The following NEXMIF variants were observed in gnomAD, a reference collection of about 807,000 sequenced individuals.
The protein encoded by NEXMIF is XLMR protein related to neurite extension.
In NEXMIF, 8 loss-of-function variants were observed where a neutral mutation model predicts 62.1. The ratio of observed to expected loss-of-function variants is 0.13; its 90% CI spans 0.08 to 0.23. NEXMIF has a LOEUF of 0.23. NEXMIF is among the 10% of genes least tolerant of loss of function. The pLI is 1.00. For missense variants in NEXMIF, 976 were observed against 1,113.3 expected (o/e 0.88, Z 1.75); for synonymous variants, 404 against 416.6 (o/e 0.97, Z 0.37).
chrX:74,923,427 T>C (rs1447900239), intron 1 of NEXMIF, among the ~76,000 whole-genome samples: 1 of 112,536 alleles, frequency 8.9e-6, no homozygotes, highest in Non-Finnish European at 1.9e-5. Flanking sequence ...GCCAGTTTTA[T>C]TTGATTAGCC....
intron 1 of NEXMIF, among the ~76,000 whole-genome samples, chrX:74,747,658 T>C (rs2147443503): frequency 9.1e-6 from 1 of 110,367 alleles, no homozygotes; most frequent in South Asian, 3.9e-4. Context: ...TTTTTTTTTT[T>C]GAGACAGAGT....
chrX:74,854,948 C>A (rs2080529503), intron 1 of NEXMIF, among the ~76,000 whole-genome samples: 1 of 111,966 alleles, frequency 8.9e-6, no homozygotes. Context: ...ACATCCCATA[C>A]TCATGGATCA....
intron 1 of NEXMIF, among the ~76,000 whole-genome samples, chrX:74,784,854 C>CA (rs780231393): frequency 1.2e-4 from 13 of 110,712 alleles, no homozygotes; most frequent in African/African-American, 4.3e-4. Flanking sequence ...GTATCTTGTG[C>CA]AAAAAATATG....
intron 1 of NEXMIF, among the ~76,000 whole-genome samples, chrX:74,776,312 C>T (rs915690245): frequency 6.3e-5 from 7 of 111,912 alleles, no homozygotes; most frequent in Admixed American, 9.5e-5. Context: ...CCTTCTTGAG[C>T]GTTTCCAAGT....
chrX:74,919,809 T>C (rs1461925159), intron 1 of NEXMIF, among the ~76,000 whole-genome samples: 3 of 110,674 alleles, frequency 2.7e-5, no homozygotes, highest in Non-Finnish European at 1.9e-5. Flanking sequence ...CAGAGTGTGA[T>C]GTTCCCCTTC....
rs192440407 is a variant in NEXMIF at position 74,761,881 on chromosome X, C to T, written c.-47-16184G>A. 3.2e-3 allele frequency among the ~76,000 whole-genome samples: 361 copies of T among 111,140 alleles called. 2 individuals are homozygous for T. Among genetic ancestry groups the T allele is most frequent in the African/African-American group, 0.011 (343 of 30,648 alleles). ...ACTGTAAATTTCTCTTTTAACACCG[C>T]GTCCCAGAGACTCTAGTATGTTGTA... is the stretch of plus-strand genomic sequence containing the variant. On this transcript the variant is annotated intron_variant, in intron 1 of 3. Coordinates refer to ENST00000055682, the MANE Select transcript of NEXMIF (RefSeq NM_001008537.3).
chrX:74,757,551 T>C (rs2080163145), intron 1 of NEXMIF, among the ~76,000 whole-genome samples: 1 of 112,180 alleles, frequency 8.9e-6, no homozygotes, highest in African/African-American at 3.2e-5. Context: ...CCTTCAATAT[T>C]CTAACTTACC....
At chrX:74,797,755 G>A (rs1050971628) in intron 1 of NEXMIF, among the ~76,000 whole-genome samples, 1 of 111,863 alleles carries the variant, frequency 8.9e-6, no homozygotes, top group African/African-American at 3.3e-5. Context: ...CTGTGTGGGA[G>A]GTGGGAACAG....
intron 1 of NEXMIF, among the ~76,000 whole-genome samples, chrX:74,910,848 C>G (rs1300374212): frequency 1.8e-5 from 2 of 111,626 alleles, no homozygotes; most frequent in African/African-American, 6.5e-5. Context: ...TTTGCATCTC[C>G]CTCATTCTCC....
intron 1 of NEXMIF, among the ~76,000 whole-genome samples, chrX:74,813,748 C>A (rs775426903): frequency 8.9e-6 from 1 of 111,882 alleles, no homozygotes; most frequent in Non-Finnish European, 1.9e-5. Flanking sequence ...CCAGTATCAC[C>A]AATACTCAGT....
At chrX:74,772,599 C>T (rs1455995696) in intron 1 of NEXMIF, among the ~76,000 whole-genome samples, 3 of 112,324 alleles carry the variant, frequency 2.7e-5, no homozygotes, top group Admixed American at 9.4e-5. Flanking sequence ...ATGACCTGCT[C>T]CATTTAGTCT....
intron 1 of NEXMIF, among the ~76,000 whole-genome samples, chrX:74,805,971 CT>C: frequency 9.0e-6 from 1 of 110,603 alleles, no homozygotes; most frequent in Middle Eastern, 4.7e-3. Flanking sequence ...ATTGCTTTGG[CT>C]ATTCATTTTT....
At chrX:74,770,243 C>G (rs766403074) in intron 1 of NEXMIF, among the ~76,000 whole-genome samples, 14 of 111,891 alleles carry the variant, frequency 1.3e-4, no homozygotes, top group African/African-American at 4.2e-4. Flanking sequence ...TATCTTATTA[C>G]TTTGTGAATT....
chrX:74,795,328 G>T (rs1569344914), intron 1 of NEXMIF, among the ~76,000 whole-genome samples: 2 of 112,048 alleles, frequency 1.8e-5, no homozygotes, highest in African/African-American at 3.2e-5. Context: ...TCTTACAATG[G>T]AATACTATTC....
intron 1 of NEXMIF, among the ~76,000 whole-genome samples, chrX:74,898,282 T>C (rs1602271108): frequency 8.9e-6 from 1 of 112,084 alleles, no homozygotes; most frequent in East Asian, 2.8e-4. Context: ...TTTATTCCTG[T>C]GGTCTTCTTC....
intron 1 of NEXMIF, among the ~76,000 whole-genome samples, chrX:74,792,488 G>C (rs1222698930): frequency 9.4e-6 from 1 of 106,686 alleles, no homozygotes; most frequent in Non-Finnish European, 1.9e-5. Context: ...ATGTCTATTA[G>C]GTCTGCTTGG....
chrX:74,825,903 T>G (rs993598700), intron 1 of NEXMIF, among the ~76,000 whole-genome samples: 1 of 112,677 alleles, frequency 8.9e-6, no homozygotes, highest in Non-Finnish European at 1.9e-5. Context: ...CCACATTTCC[T>G]TTATCCTATC....
intron 1 of NEXMIF, among the ~76,000 whole-genome samples, chrX:74,767,487 C>T (rs893819960): frequency 3.6e-5 from 4 of 111,541 alleles, no homozygotes; most frequent in African/African-American, 9.8e-5. Flanking sequence ...TGAAGAGAAA[C>T]GGGATCCAGC....
intron 1 of NEXMIF, among the ~76,000 whole-genome samples, chrX:74,764,493 A>C (rs1288965734): frequency 8.9e-6 from 1 of 112,093 alleles, no homozygotes; most frequent in East Asian, 2.8e-4. Context: ...AAAATGAGTT[A>C]GGGAGGATTC....
Sources: allele counts gnomAD v4.1 joint callset (sites outside exome capture counted in the v4.1 genomes callset), GRCh38; gene constraint gnomAD v4.1.1; transcripts MANE v1.5; gene names NCBI Gene and HGNC (gene_info 2026-07-23, HGNC 2026-07-21).